ASPG: variants seen among roughly 807,000 people sequenced by gnomAD.
The protein encoded by ASPG is asparaginase, also known as 60 kDa lysophospholipase.
A neutral mutation model predicts 63.2 loss-of-function variants in ASPG; 53 were observed. That is an observed-to-expected ratio of 0.84 (90% CI 0.67 to 1.05). The LOEUF (loss-of-function observed/expected upper bound fraction) is 1.05, where lower values mean the gene tolerates loss of function less well. Ranked by LOEUF, ASPG falls within the 50% of genes least tolerant of loss-of-function variation. The pLI is 0.00. For missense variants in ASPG, 741 were observed against 794.4 expected, an observed-to-expected ratio of 0.93 and a Z score of 0.81; for synonymous variants, 370 against 355.0, an observed-to-expected ratio of 1.04 and a Z score of -0.48.
At chr14:104,095,849 C>T (rs575426971) in intron 4 of ASPG, among the ~76,000 whole-genome samples, 193 bp downstream of exon 4, 4 of 152,120 alleles carry the variant, frequency 2.6e-5, no homozygotes, top group East Asian at 1.9e-4. Flanking sequence ...CCACCTGCCC[C>T]GCAGGAGGGG....
intron 1 of ASPG, among the ~76,000 whole-genome samples, chr14:104,090,947 C>T (rs912243934): frequency 6.6e-6 from 1 of 152,158 alleles, no homozygotes; most frequent in African/African-American, 2.4e-5. Context: ...CTCACTGCAA[C>T]CTCCGCCTGC....
intron 3 of ASPG, among the ~76,000 whole-genome samples, chr14:104,094,039 G>C (rs1006959405): frequency 6.6e-6 from 1 of 151,848 alleles, no homozygotes; most frequent in Non-Finnish European, 1.5e-5. Flanking sequence ...GGGTGGAGTC[G>C]GCCTGCCCAG....
intron 5 of ASPG, among the ~76,000 whole-genome samples, 180 bp downstream of exon 5, chr14:104,097,817 G>T: frequency 6.6e-6 from 1 of 150,864 alleles, no homozygotes. Flanking sequence ...GAAGTTCTAC[G>T]TTAGAGATAC....
Position 104,095,540 on chromosome 14 carries a change from G to A in ASPG, c.313G>A (p.Glu105Lys), listed in dbSNP as rs748633326. 13 of 1,612,838 alleles carry A rather than the reference G, an allele frequency of 8.1e-6. No homozygotes were observed. Among genetic ancestry groups the A allele is most frequent in the Admixed American group, 3.3e-5 (2 of 59,986 alleles). The change falls in exon 4 of 16, where the codon GAG (glutamate) becomes AAG (lysine). Residue 105 changes from glutamate to lysine, a missense_variant. Coordinates refer to ENST00000551177, the MANE Select transcript of ASPG (RefSeq NM_001080464.3). ...CLAQTIKRHY[E>K]QYHGFVVIHG... ...TGCGCCCCTCCTGCAGAGGCACTACGAGCAGTACCACGGCTTTGTGGTCAT... is the reference window on the plus strand; with the variant it reads ...TGCGCCCCTCCTGCAGAGGCACTACAAGCAGTACCACGGCTTTGTGGTCAT...
chr14:104,111,291 C>T (rs571361239), intron 13 of ASPG: 179 of 799,450 alleles, frequency 2.2e-4, no homozygotes, highest in Non-Finnish European at 2.6e-4. Flanking sequence ...GTGTACCCGA[C>T]TTGAGTCGCA....
At chr14:104,105,284 A>G in intron 9 of ASPG, 44 bp from the exon 10 acceptor site, 4 of 1,612,398 alleles carry the variant, frequency 2.5e-6, no homozygotes, top group Non-Finnish European at 2.5e-6. Context: ...TGGGCTGCCC[A>G]TCCAGCCCTG....
chr14:104,107,735 G>A (rs1297822790), intron 12 of ASPG, among the ~76,000 whole-genome samples: 8 of 152,238 alleles, frequency 5.3e-5, no homozygotes, highest in Non-Finnish European at 1.0e-4. Context: ...GGGGTCCCCT[G>A]CCCCACCAAG....
chr14:104,088,539 C>T (rs1376518698), intron 1 of ASPG, among the ~76,000 whole-genome samples: 1 of 152,194 alleles, frequency 6.6e-6, no homozygotes, highest in Non-Finnish European at 1.5e-5. Flanking sequence ...CCCAAAGTCC[C>T]TCCTGAGCCC....
intron 3 of ASPG, among the ~76,000 whole-genome samples, chr14:104,095,237 C>T (rs1215060254): frequency 2.6e-5 from 4 of 152,210 alleles, no homozygotes; most frequent in African/African-American, 9.6e-5. Context: ...CTCTCCCGCC[C>T]TTGGGGAGTG....
At chr14:104,108,069 T>A (rs922808931) in intron 12 of ASPG, among the ~76,000 whole-genome samples, 1 of 152,132 alleles carries the variant, frequency 6.6e-6, no homozygotes, top group African/African-American at 2.4e-5. Flanking sequence ...TGTCTGAGCC[T>A]GGGGTCATGT....
At chr14:104,096,289 G>A (rs1473441110) in intron 4 of ASPG, among the ~76,000 whole-genome samples, 1 of 152,202 alleles carries the variant, frequency 6.6e-6, no homozygotes, top group Admixed American at 6.5e-5. Context: ...GAACCCCTTG[G>A]GATCCTTTCC....
At chr14:104,097,287 C>A (rs2036636791) in intron 4 of ASPG, among the ~76,000 whole-genome samples, 1 of 152,062 alleles carries the variant, frequency 6.6e-6, no homozygotes, top group Non-Finnish European at 1.5e-5. Context: ...GGTTGAGGCC[C>A]TGGGTGCAGG....
At chr14:104,089,359 C>CAA (rs113198487) in intron 1 of ASPG, among the ~76,000 whole-genome samples, 6 of 148,382 alleles carry the variant, frequency 4.0e-5, no homozygotes, top group African/African-American at 1.5e-4. Flanking sequence ...ACTAAAAATA[C>CAA]AAAAAAAAAA....
At chr14:104,101,430 C>T (rs975724540) in intron 6 of ASPG, among the ~76,000 whole-genome samples, 23 of 151,984 alleles carry the variant, frequency 1.5e-4, no homozygotes, top group African/African-American at 5.3e-4. Flanking sequence ...GAGTCATGGG[C>T]GGGCTTGGTG....
In ASPG at chr14:104,085,860, C is replaced by A. The variant is rs1158856141; in HGVS notation, c.82+8C>A. ...TGCGGAGTGAGCTCGGCGGTGAGTC[C>A]GAGACCCTGGGCGGGGTAGGCCTCT... On this transcript the variant is annotated splice_region_variant and intron_variant, in intron 1 of 15. Coordinates refer to ENST00000551177, the MANE Select transcript of ASPG (RefSeq NM_001080464.3). The A allele has an allele frequency of 6.3e-7, 1 of 1,579,556 alleles. No individual in the cohort carries two copies. The highest frequency in any genetic ancestry group is 8.5e-7 in the Non-Finnish European group (1 of 1,169,806).
chr14:104,095,737 C>T (rs1416123139), intron 4 of ASPG, 81 bp downstream of exon 4: 71 of 1,559,394 alleles, frequency 4.6e-5, no homozygotes, highest in Middle Eastern at 3.6e-4. Flanking sequence ...GCGGCCGCTG[C>T]GGGACCCCGG....
At chr14:104,111,175 G>A (rs2037368871) in intron 13 of ASPG, 1 of 985,348 alleles carries the variant, frequency 1.0e-6, no homozygotes. Context: ...ATATGCTCGT[G>A]TGTGTGTGCA....
Position 104,098,962 on chromosome 14 carries a change from T to A in ASPG, c.623T>A (p.Val208Glu). 1.3e-6 allele frequency: 2 copies of A among 1,598,078 alleles called. No individual in the cohort carries two copies. Among genetic ancestry groups the A allele is most frequent in the Non-Finnish European group, 1.7e-6 (2 of 1,173,268 alleles). ...CSPNLLPLAT[V>E]GADITINREL... ...CCGAACCTGCTGCCTCTGGCCACAG[T>A]GGGTGCTGACATCACAAGTAAGCCC... Residue 208 changes from valine (V) to glutamate (E), a missense_variant, in exon 6 of 16, where the codon GTG becomes GAG. Physicochemically the swap from Val to Glu is moderately radical, Grantham distance 121 (BLOSUM62 -2). Coordinates refer to ENST00000551177, the MANE Select transcript of ASPG (RefSeq NM_001080464.3).
chr14:104,087,145 A>G (rs1287635552), intron 1 of ASPG, among the ~76,000 whole-genome samples: 3 of 152,138 alleles, frequency 2.0e-5, no homozygotes, highest in Admixed American at 2.0e-4. Context: ...CAGGAGACAA[A>G]GCCTAGTGGG....
Sources: gnomAD v4.1 joint callset for allele counts (sites outside exome capture counted in the v4.1 genomes callset) on GRCh38, gnomAD v4.1.1 for gene constraint, MANE v1.5 for transcripts, NCBI Gene and HGNC (gene_info 2026-07-23, HGNC 2026-07-21) for gene names.